Variants in SYN3 observed in about 807,000 individuals in gnomAD.
SYN3 encodes the protein synapsin III.
SYN3 carries 35 observed loss-of-function variants against 65.8 expected under a neutral mutation model. That is an observed-to-expected ratio of 0.53 (90% CI 0.41 to 0.70). The LOEUF is 0.70. SYN3 is among the 30% of genes least tolerant of loss of function. The pLI, the probability that SYN3 is intolerant of heterozygous loss-of-function variation, is 0.00. For synonymous variants in SYN3, 270 were observed against 292.9 expected (o/e 0.92, Z 0.80); for missense variants, 680 against 749.0 (o/e 0.91, Z 1.08).
chr22:32,573,152 C>G (rs1233742651), intron 7 of SYN3, among the ~76,000 whole-genome samples: 3 of 152,178 alleles, frequency 2.0e-5, no homozygotes, highest in Non-Finnish European at 2.9e-5. Flanking sequence ...GCCAGTTTGC[C>G]AGCACACCAC....
chr22:32,719,221 G>T (rs984725922), intron 6 of SYN3, among the ~76,000 whole-genome samples: 1 of 152,084 alleles, frequency 6.6e-6, no homozygotes, highest in Non-Finnish European at 1.5e-5. Context: ...CTTCACCAAC[G>T]GTAAGGTACA....
chr22:32,701,298 G>A (rs561258876), intron 6 of SYN3, among the ~76,000 whole-genome samples: 1 of 152,132 alleles, frequency 6.6e-6, no homozygotes, highest in African/African-American at 2.4e-5. Context: ...TTACTTAACT[G>A]CTCATCAGAA....
chr22:32,572,404 CTCCTGTCTTTCCTTCCTTCTTCCTTCCT>C (rs2058781952), intron 7 of SYN3, among the ~76,000 whole-genome samples: 2 of 98,110 alleles, frequency 2.0e-5, no homozygotes, highest in African/African-American at 9.3e-5. Context: ...CCCTCCCTCC[CTCCTGTCTTTCCTTCCTTCTTCCTTCCT>C]TCCTTCCCTC....
intron 6 of SYN3, among the ~76,000 whole-genome samples, chr22:32,613,418 C>T (rs553809711): frequency 1.8e-3 from 281 of 152,168 alleles, no homozygotes; most frequent in Non-Finnish European, 3.5e-3. Flanking sequence ...TGAAAATGAC[C>T]TTCATTTTTT....
intron 6 of SYN3, among the ~76,000 whole-genome samples, chr22:32,678,003 C>T (rs2060470077): frequency 6.6e-6 from 1 of 152,070 alleles, no homozygotes; most frequent in African/African-American, 2.4e-5. Flanking sequence ...GAGCTCAGTT[C>T]TGCTGGAGTG....
At chr22:32,637,644 T>C (rs573712671) in intron 6 of SYN3, among the ~76,000 whole-genome samples, 1 of 141,192 alleles carries the variant, frequency 7.1e-6, no homozygotes, top group African/African-American at 2.7e-5. Context: ...TTTTTTTTTT[T>C]TTTTTTTTTT....
chr22:32,884,928 CTTTA>C (rs1382653477), intron 4 of SYN3, among the ~76,000 whole-genome samples: 1 of 152,058 alleles, frequency 6.6e-6, no homozygotes, highest in East Asian at 1.9e-4. Context: ...GGAGATGCTT[CTTTA>C]TTTATAATTG....
intron 6 of SYN3, among the ~76,000 whole-genome samples, chr22:32,691,049 G>A (rs1244126858): frequency 6.6e-6 from 1 of 152,120 alleles, no homozygotes; most frequent in East Asian, 1.9e-4. Context: ...TGTGGAATAA[G>A]CCCCTCCTTT....
At chr22:33,025,332 T>C (rs1377920734) in intron 1 of SYN3, among the ~76,000 whole-genome samples, 1 of 150,590 alleles carries the variant, frequency 6.6e-6, no homozygotes, top group South Asian at 2.1e-4. Context: ...TGCATGCCTG[T>C]AGTCCCAGCT....
chr22:32,775,407 CTGTG>C (rs1281199298), intron 6 of SYN3, among the ~76,000 whole-genome samples: 2 of 152,174 alleles, frequency 1.3e-5, no homozygotes, highest in African/African-American at 4.8e-5. Flanking sequence ...CCACAAACAC[CTGTG>C]GAATGCCAAG....
chr22:32,617,953 A>G (rs1230349554), intron 6 of SYN3, among the ~76,000 whole-genome samples: 1 of 152,048 alleles, frequency 6.6e-6, no homozygotes, highest in African/African-American at 2.4e-5. Context: ...TATTGTGATT[A>G]CTTATCACAA....
intron 1 of SYN3, among the ~76,000 whole-genome samples, chr22:33,039,210 A>G (rs1024158671): frequency 2.0e-5 from 3 of 152,074 alleles, no homozygotes; most frequent in African/African-American, 7.2e-5. Context: ...GTCTAAGGTC[A>G]CCCGGGCAGT....
At chr22:32,572,411 C>G (rs1208784314) in intron 7 of SYN3, among the ~76,000 whole-genome samples, 1 of 9,602 alleles carries the variant, frequency 1.0e-4, no homozygotes. Context: ...TCCCTCCTGT[C>G]TTTCCTTCCT....
At chr22:32,944,672 C>G (rs113871969) in intron 3 of SYN3, among the ~76,000 whole-genome samples, 1 of 152,132 alleles carries the variant, frequency 6.6e-6, no homozygotes, top group Admixed American at 6.5e-5. Flanking sequence ...CTATTCAACA[C>G]AGTGTTGGAA....
chr22:32,573,784 T>C (rs2058812068), intron 7 of SYN3, among the ~76,000 whole-genome samples: 1 of 144,936 alleles, frequency 6.9e-6, no homozygotes, highest in African/African-American at 2.7e-5. Context: ...TTTTTTTTTT[T>C]TGGGAGACAG....
intron 1 of SYN3, among the ~76,000 whole-genome samples, chr22:33,050,479 C>CAAAAAAAAA (rs58653594): frequency 9.2e-6 from 1 of 108,504 alleles, no homozygotes; most frequent in Non-Finnish European, 1.8e-5. Flanking sequence ...GAGACTGTTT[C>CAAAAAAAAA]AAAAAAAAAA....
At position 32,801,502 on chromosome 22, in the gene SYN3, G is replaced by A. The variant is rs544647240; in HGVS notation, c.711+63413C>T. On this transcript the variant is annotated intron_variant, in intron 6 of 13. Coordinates refer to ENST00000358763, the MANE Select transcript of SYN3 (RefSeq NM_003490.4). The surrounding 1 kb of genome is among the most constrained non-coding windows in gnomAD (Gnocchi z 4.7). Reference sequence around the variant, plus strand: ...CCAGCCCACCCACTCGCGTGCCCACGGCGGCATTATTCCCTATAAGGATCT... The same window carrying A: ...CCAGCCCACCCACTCGCGTGCCCACAGCGGCATTATTCCCTATAAGGATCT... 2.0e-5 allele frequency among the ~76,000 whole-genome samples: 3 copies of A among 152,310 alleles called. No homozygotes were observed. Among genetic ancestry groups the A allele is most frequent in the Non-Finnish European group, 2.9e-5 (2 of 68,026 alleles).
chr22:32,909,455 T>C (rs1351780768), intron 4 of SYN3, among the ~76,000 whole-genome samples: 1 of 152,108 alleles, frequency 6.6e-6, no homozygotes, highest in Non-Finnish European at 1.5e-5. Context: ...TGGCTGCAAT[T>C]CTTTATTACG....
At chr22:32,671,775 GCA>G (rs1190239814) in intron 6 of SYN3, among the ~76,000 whole-genome samples, 7 of 137,328 alleles carry the variant, frequency 5.1e-5, no homozygotes, top group East Asian at 4.5e-4. Flanking sequence ...TCACACAGGT[GCA>G]CACACACATG....
Sources: allele counts gnomAD v4.1 joint callset (sites outside exome capture counted in the v4.1 genomes callset), GRCh38; gene constraint gnomAD v4.1.1; non-coding constraint Gnocchi (gnomAD v3.1); transcripts MANE v1.5; gene names NCBI Gene and HGNC (gene_info 2026-07-23, HGNC 2026-07-21).